The following SEPTIN7 variants were observed in gnomAD, a reference collection of about 807,000 sequenced individuals.
SEPTIN7 encodes septin 7.
Under a neutral mutation model 63.3 loss-of-function variants are expected in SEPTIN7, and 10 were observed. The observed-to-expected ratio is 0.16, with a 90% CI of 0.10 to 0.27. SEPTIN7 has a LOEUF of 0.27. Ranked by LOEUF, SEPTIN7 falls within the 10% of genes least tolerant of loss-of-function variation. The pLI is 1.00. For synonymous variants in SEPTIN7, 131 were observed against 165.3 expected (o/e 0.79, Z 1.59); for missense variants, 310 against 521.0 (o/e 0.59, Z 3.94).
In SEPTIN7 at chr7:35,837,069, C is replaced by T. The variant is rs534469940; in HGVS notation, c.169+4169C>T. Among the ~76,000 whole-genome samples, 6 of 152,092 alleles carry T rather than the reference C, an allele frequency of 3.9e-5. No homozygotes were observed. The South Asian group carries it at 1.2e-3, about 32-fold the overall frequency. On this transcript the variant is annotated intron_variant, in intron 3 of 13. Coordinates refer to ENST00000350320, the MANE Select transcript of SEPTIN7 (RefSeq NM_001788.6). ...TTAGAAGAAAAAAATCACATAATTC[C>T]ACATGTCCACTATTTTAATTTTGTA...
intron 3 of SEPTIN7, chr7:35,838,763 G>C (rs1784261133): frequency 6.6e-6 from 1 of 152,032 alleles, no homozygotes; most frequent in Non-Finnish European, 1.5e-5. Flanking sequence ...TAAATATAAA[G>C]ACTAAATGAC....
chr7:35,862,480 T>A (rs1785560847), intron 3 of SEPTIN7, among the ~76,000 whole-genome samples: 4 of 152,178 alleles, frequency 2.6e-5, no homozygotes, highest in African/African-American at 9.7e-5. Flanking sequence ...GGTTTTATTC[T>A]AATCTTTCTG....
chr7:35,812,455 A>G (rs1392966512), intron 1 of SEPTIN7, among the ~76,000 whole-genome samples: 1 of 152,168 alleles, frequency 6.6e-6, no homozygotes, highest in Non-Finnish European at 1.5e-5. Flanking sequence ...ATGCAAATAT[A>G]GCACGATATA....
In SEPTIN7 at chr7:35,832,677, AG is replaced by A. The variant is rs746447278; in HGVS notation, c.67-120del. 21 of 708,826 alleles carry A rather than the reference AG, an allele frequency of 3.0e-5. No individual in the cohort carries two copies. In the South Asian group the frequency reaches 3.2e-4, roughly 11 times the overall value. The allele number at this position is 708,826 out of a possible 1,614,324, so 43.9% of individuals were successfully genotyped here. A position where few individuals can be genotyped will look rare whatever the true frequency, so the allele number is the denominator to read the frequency against. Reference sequence around the variant, plus strand: ...GTTTTATTGATAATGCCATGAAAGTAGTTTGATTTGCTGTGAATAATAGTAT... The same window carrying A: ...GTTTTATTGATAATGCCATGAAAGTATTTGATTTGCTGTGAATAATAGTAT... On this transcript the variant is annotated intron_variant, in intron 2 of 13. Transcript: ENST00000350320.
chr7:35,882,378 C>A, intron 7 of SEPTIN7, 106 bp from the exon 8 acceptor site: 11 of 755,368 alleles, frequency 1.5e-5, no homozygotes, highest in Non-Finnish European at 2.0e-5. Context: ...AGTAAAGGAT[C>A]TGGAACCAAG....
At chr7:35,814,420 T>G (rs1308617324) in intron 1 of SEPTIN7, among the ~76,000 whole-genome samples, 1 of 152,226 alleles carries the variant, frequency 6.6e-6, no homozygotes, top group African/African-American at 2.4e-5. Context: ...GTTTGTCACC[T>G]TTGGTGGTCC....
chr7:35,846,961 AT>A, intron 3 of SEPTIN7: 1 of 152,726 alleles, frequency 6.5e-6, no homozygotes, highest in East Asian at 1.9e-4. Context: ...TTTAAAGGAG[AT>A]TTCTGAGCAG....
Position 35,906,195 on chromosome 7 carries a change from T to G in SEPTIN7, c.*1902T>G, listed in dbSNP as rs1355362285. 6.6e-6 allele frequency: 1 copy of G among 152,224 alleles called. No homozygotes were observed. The allele number at this position is 152,224 out of a possible 1,614,324, so 9.4% of individuals were successfully genotyped here. A position where few individuals can be genotyped will look rare whatever the true frequency, so the allele number is the denominator to read the frequency against. On this transcript the variant is annotated 3_prime_UTR_variant, in exon 14 of 14. Coordinates refer to ENST00000350320, the MANE Select transcript of SEPTIN7 (RefSeq NM_001788.6). ...ACTACTGCTTCTGGGAAATACTATTTCAAAATTCTATGTATTATAATAATA... is the reference window on the plus strand; with the variant it reads ...ACTACTGCTTCTGGGAAATACTATTGCAAAATTCTATGTATTATAATAATA...
rs1583613038 is a variant in SEPTIN7 at position 35,880,218 on chromosome 7, CTTTTCTTTT to C, written c.630+283_630+291del. Among the ~76,000 whole-genome samples the C allele has an allele frequency of 1.4e-3, 128 of 91,460 alleles. No individual in the cohort carries two copies. The East Asian group carries it at 0.028, about 20-fold the overall frequency. 60.0% of individuals were successfully genotyped at this position (91,460 alleles called of 152,430 possible). A position where few individuals can be genotyped will look rare whatever the true frequency, so the allele number is the denominator to read the frequency against. The stretch of plus-strand genomic sequence containing the variant: ...TTTCTCTTTTCTTTTCTTTTTTTTT[CTTTTCTTTT>C]TTTTTTTTTTTTTTTTGAATTATTT... On this transcript the variant is annotated intron_variant, in intron 7 of 13. Transcript: ENST00000350320.
chr7:35,885,109 T>TC (rs1787148039), intron 9 of SEPTIN7, among the ~76,000 whole-genome samples: 2 of 152,090 alleles, frequency 1.3e-5, no homozygotes, highest in African/African-American at 4.8e-5. Flanking sequence ...ATCATGCTCC[T>TC]CCCACATCAC....
In SEPTIN7 at chr7:35,852,679, A is replaced by G. The variant is rs1313280183; in HGVS notation, c.170-10873A>G. Among the ~76,000 whole-genome samples the G allele has an allele frequency of 2.0e-5, 3 of 152,194 alleles. No homozygotes were observed. In the East Asian group the frequency reaches 5.8e-4, roughly 29 times the overall value. Reference sequence around the variant, plus strand: ...GAGTAAGGTGACTTTGCTTATGGGAAATAAACTATTTTATCAGGCTTATTT... The same window carrying G: ...GAGTAAGGTGACTTTGCTTATGGGAGATAAACTATTTTATCAGGCTTATTT... On this transcript the variant is annotated intron_variant, in intron 3 of 13. Transcript: ENST00000350320.
intron 1 of SEPTIN7, chr7:35,831,258 T>C (rs780378300): frequency 9.5e-5 from 18 of 190,026 alleles, no homozygotes; most frequent in Non-Finnish European, 1.3e-4. Context: ...TACTTTGACA[T>C]GTTTAGAAAA....
chr7:35,894,812 A>G (rs921439773), intron 11 of SEPTIN7, among the ~76,000 whole-genome samples: 1 of 152,172 alleles, frequency 6.6e-6, no homozygotes, highest in African/African-American at 2.4e-5. Flanking sequence ...ATGAAACATG[A>G]TTGTCTTTTA....
At chr7:35,840,687 C>T (rs1784368358) in intron 3 of SEPTIN7, among the ~76,000 whole-genome samples, 1 of 151,902 alleles carries the variant, frequency 6.6e-6, no homozygotes, top group African/African-American at 2.4e-5. Flanking sequence ...GAAGGTTAGG[C>T]TATTCATTCC....
chr7:35,807,186 C>T (rs1562729348), intron 1 of SEPTIN7, among the ~76,000 whole-genome samples: 2 of 142,136 alleles, frequency 1.4e-5, no homozygotes, highest in South Asian at 2.2e-4. Context: ...TTTTTTAAAA[C>T]TTTTTTTTTT....
chr7:35,879,511 C>A, intron 6 of SEPTIN7: 1 of 172,884 alleles, frequency 5.8e-6, no homozygotes, highest in Non-Finnish European at 1.2e-5. Context: ...AAATTAAAAA[C>A]CTTGTAAATT....
intron 3 of SEPTIN7, among the ~76,000 whole-genome samples, chr7:35,840,347 C>T (rs1784352366): frequency 6.7e-6 from 1 of 149,762 alleles, no homozygotes; most frequent in Non-Finnish European, 1.5e-5. Flanking sequence ...CAGCCTTGAG[C>T]CCCTGGACTC....
At chr7:35,817,662 C>A (rs1789159110) in intron 1 of SEPTIN7, among the ~76,000 whole-genome samples, 1 of 152,046 alleles carries the variant, frequency 6.6e-6, no homozygotes, top group Non-Finnish European at 1.5e-5. Context: ...AAGTCTTCCA[C>A]TCCATTAATG....
intron 7 of SEPTIN7, among the ~76,000 whole-genome samples, chr7:35,880,316 T>G (rs2116270383): frequency 6.6e-6 from 1 of 151,264 alleles, no homozygotes; most frequent in East Asian, 1.9e-4. Context: ...TTTATGGGTC[T>G]TTATCTCCCC....
Sources: allele counts gnomAD v4.1 joint callset (sites outside exome capture counted in the v4.1 genomes callset), GRCh38; gene constraint gnomAD v4.1.1; transcripts MANE v1.5; gene names NCBI Gene and HGNC (gene_info 2026-07-23, HGNC 2026-07-21).